The following OR2I1 variants were observed in gnomAD, a reference collection of about 807,000 sequenced individuals.
OR2I1 encodes the protein putative olfactory receptor 2I1.
At chr6:29,556,404 T>C in the OR2I1 span, 2 of 1,363,362 alleles carry the variant, frequency 1.5e-6, no homozygotes, top group Non-Finnish European at 2.0e-6. Context: ...TCCTTTACAC[T>C]TCTACTCCCC....
At chr6:29,553,189 G>C in the OR2I1 span, 1 of 398,300 alleles carries the variant, frequency 2.5e-6, no homozygotes, top group Non-Finnish European at 4.4e-6. Flanking sequence ...TTTTTATTTC[G>C]ACCTTCCAAA....
At chr6:29,553,031 C>G in the OR2I1 span, 1 of 389,840 alleles carries the variant, frequency 2.6e-6, no homozygotes, top group Non-Finnish European at 4.5e-6. Context: ...GAGTGTTGCT[C>G]TTATTCTTAG....
At chr6:29,555,902 G>A in the OR2I1 span, 1 of 1,612,942 alleles carries the variant, frequency 6.2e-7, no homozygotes, top group South Asian at 1.1e-5. Context: ...ACAATAACAT[G>A]CCAGGAAGAG....
the OR2I1 span, chr6:29,555,771 C>A: frequency 1.2e-6 from 1 of 816,326 alleles, no homozygotes; most frequent in South Asian, 1.7e-5. Context: ...TTACTCTACT[C>A]ATCTCATTCT....
chr6:29,551,280 A>G, the OR2I1 span, among the ~76,000 whole-genome samples: 1 of 152,210 alleles, frequency 6.6e-6, no homozygotes, highest in Non-Finnish European at 1.5e-5. Flanking sequence ...TATGACCCCA[A>G]ATTATAAAAT....
At chr6:29,555,742 T>C in the OR2I1 span, 1 of 650,366 alleles carries the variant, frequency 1.5e-6, no homozygotes, top group African/African-American at 1.8e-5. Flanking sequence ...TACTTCATCC[T>C]ACCCATCCCA....
the OR2I1 span, chr6:29,556,678 C>A: frequency 3.3e-6 from 1 of 304,026 alleles, no homozygotes; most frequent in Non-Finnish European, 6.0e-6. Context: ...GTCATTGGGC[C>A]AAGGGTGGTG....
At chr6:29,554,102 A>G in the OR2I1 span, 1 of 399,198 alleles carries the variant, frequency 2.5e-6, no homozygotes, top group Non-Finnish European at 4.4e-6. Flanking sequence ...CTCAGGAATA[A>G]GAAAGTGAAG....
At chr6:29,555,824 A>C in the OR2I1 span, 20 of 1,370,072 alleles carry the variant, frequency 1.5e-5, no homozygotes, top group Non-Finnish European at 1.7e-5. Context: ...TCGTTGAGTA[A>C]GAGATTAAAA....
At chr6:29,555,685 A>C in the OR2I1 span, 2 of 575,638 alleles carry the variant, frequency 3.5e-6, no homozygotes, top group Non-Finnish European at 6.1e-6. Context: ...AAATCATGTC[A>C]CTTAATTAAT....
At chr6:29,553,735 C>T in the OR2I1 span, 1 of 398,622 alleles carries the variant, frequency 2.5e-6, no homozygotes, top group East Asian at 3.6e-5. Context: ...GCCCCGCCTG[C>T]TGGACCACTT....
At chr6:29,553,423 G>T in the OR2I1 span, 4 of 398,888 alleles carry the variant, frequency 1.0e-5, no homozygotes, top group Admixed American at 8.8e-5. Context: ...GGCCTTGGTA[G>T]ACGCGGGCTT....
chr6:29,555,809 T>C, the OR2I1 span: 1 of 1,232,548 alleles, frequency 8.1e-7, no homozygotes, highest in South Asian at 1.4e-5. Context: ...CATCAGAAGA[T>C]GTGTTCGTTG....
At chr6:29,556,582 G>C in the OR2I1 span, 4 of 518,890 alleles carry the variant, frequency 7.7e-6, no homozygotes, top group Non-Finnish European at 1.3e-5. Flanking sequence ...TCGATCTTGA[G>C]AATGGAAAAT....
At chr6:29,557,132 G>A in the OR2I1 span, 1 of 152,026 alleles carries the variant, frequency 6.6e-6, no homozygotes, top group African/African-American at 2.4e-5. Context: ...CAAGACCGAG[G>A]GCTATAACAG....
chr6:29,551,460 G>A, the OR2I1 span, among the ~76,000 whole-genome samples: 1 of 152,148 alleles, frequency 6.6e-6, no homozygotes. Flanking sequence ...TTTAACTTCA[G>A]TTACTCTCCT....
the OR2I1 span, chr6:29,555,795 A>G: frequency 4.5e-6 from 5 of 1,119,182 alleles, no homozygotes; most frequent in Non-Finnish European, 6.4e-6. Context: ...TAATTTTGGG[A>G]AATCATCAGA....
chr6:29,551,838 CT>C, the OR2I1 span, among the ~76,000 whole-genome samples: 1 of 152,150 alleles, frequency 6.6e-6, no homozygotes, highest in Non-Finnish European at 1.5e-5. Flanking sequence ...CTGCTGAGCC[CT>C]GGTTCTTAAT....
chr6:29,556,100 A>T, the OR2I1 span: 1 of 1,613,086 alleles, frequency 6.2e-7, no homozygotes, highest in Non-Finnish European at 8.5e-7. Context: ...ACCTGACTCC[A>T]CAAGAAACAA....
Sources: allele counts gnomAD v4.1 joint callset (sites outside exome capture counted in the v4.1 genomes callset), GRCh38; gene constraint gnomAD v4.1.1; transcripts MANE v1.5; gene names NCBI Gene and HGNC (gene_info 2026-07-23, HGNC 2026-07-21).